Variants in EFHC1 observed in about 807,000 individuals in gnomAD.
EFHC1 encodes EF-hand domain containing 1.
In EFHC1, 53 loss-of-function variants were observed where a neutral mutation model predicts 69.9. The ratio of observed to expected loss-of-function variants is 0.76; its 90% CI spans 0.61 to 0.95. EFHC1 has a LOEUF of 0.95. EFHC1 is among the 40% of genes least tolerant of loss of function. The pLI is 0.00. For synonymous variants in EFHC1, 256 were observed against 278.4 expected, an observed-to-expected ratio of 0.92 and a Z score of 0.80; for missense variants, 739 against 798.7, an observed-to-expected ratio of 0.93 and a Z score of 0.90.
chr6:52,444,272 C>T (rs1764731463), intron 3 of EFHC1, among the ~76,000 whole-genome samples: 2 of 152,146 alleles, frequency 1.3e-5, no homozygotes, highest in South Asian at 4.1e-4. Context: ...TAATTGAATA[C>T]CCTTTATTTC....
chr6:52,429,224 T>C (rs9357734), intron 2 of EFHC1, among the ~76,000 whole-genome samples: 2,301 of 152,348 alleles, frequency 0.015, 44 homozygotes, highest in South Asian at 0.096. Flanking sequence ...ATCTTTGTTT[T>C]TATTGCATTT....
At position 52,420,437 on chromosome 6, in the gene EFHC1, GC is replaced by G. The variant is rs1764162576; in HGVS notation, c.30del (p.Leu12PhefsTer20). The G allele has an allele frequency of 1.2e-6, 2 of 1,614,234 alleles. No individual in the cohort carries two copies. The highest frequency in any genetic ancestry group is 8.5e-7 in the Non-Finnish European group (1 of 1,180,042). MVSNPVHGL[P>X]FLPGTSFKDS... ...TGGTGTCCAATCCCGTGCATGGCTT[GC>G]CCTTTCTTCCGGGCACGTCCTTTAA... is the stretch of plus-strand genomic sequence containing the variant. On this transcript the variant is annotated frameshift_variant, in exon 1 of 11. Coordinates refer to ENST00000371068, the MANE Select transcript of EFHC1 (RefSeq NM_018100.4). LOFTEE classifies it high-confidence loss of function.
At chr6:52,483,527 G>GCACTCATATTAT (rs1765723686) in intron 9 of EFHC1, 1 of 152,254 alleles carries the variant, frequency 6.6e-6, no homozygotes, top group Non-Finnish European at 1.5e-5. Context: ...GTAGCTCAAA[G>GCACTCATATTAT]GCAGTTCTGC....
Position 52,469,321 on chromosome 6 carries a change from A to AT in EFHC1, c.1138-11dup. The stretch of plus-strand genomic sequence containing the variant: ...GTATCTGCCTTACTTCTTGCTTCCT[A>AT]TGTATCTCCAGGAGTTGCCTCCTTA... On this transcript the variant is annotated splice_polypyrimidine_tract_variant and intron_variant, in intron 6 of 10. Coordinates refer to ENST00000371068, the MANE Select transcript of EFHC1 (RefSeq NM_018100.4). The AT allele has an allele frequency of 3.7e-6, 6 of 1,613,826 alleles. No individual in the cohort carries two copies. The highest frequency in any genetic ancestry group is 5.1e-6 in the Non-Finnish European group (6 of 1,179,872).
intron 2 of EFHC1, among the ~76,000 whole-genome samples, chr6:52,426,645 C>T (rs931662364): frequency 2.6e-5 from 4 of 152,166 alleles, no homozygotes; most frequent in Non-Finnish European, 4.4e-5. Context: ...ACCTCAAGTT[C>T]TGTATGTCTC....
At chr6:52,423,737 C>T in intron 1 of EFHC1, 3 of 1,068,172 alleles carry the variant, frequency 2.8e-6, no homozygotes, top group Non-Finnish European at 4.0e-6. Context: ...AACTCTGGGG[C>T]TGAAGTGATT....
At chr6:52,474,741 A>G (rs1347288451) in intron 7 of EFHC1, among the ~76,000 whole-genome samples, 1 of 152,238 alleles carries the variant, frequency 6.6e-6, no homozygotes, top group African/African-American at 2.4e-5. Context: ...GAATCCAGAC[A>G]CAAAAGAATG....
chr6:52,465,122 A>G lies in EFHC1; in HGVS notation c.1137+7A>G. On this transcript the variant is annotated splice_region_variant and intron_variant, in intron 6 of 10. Transcript: ENST00000371068. ...ACCACCTCCAGTAAAACAGGTAATCAGATAGTACTTCTTAGTGTGGTGAGA... is the reference window on the plus strand; with the variant it reads ...ACCACCTCCAGTAAAACAGGTAATCGGATAGTACTTCTTAGTGTGGTGAGA... The G allele has an allele frequency of 6.2e-7, 1 of 1,612,254 alleles. No individual in the cohort carries two copies.
intron 7 of EFHC1, among the ~76,000 whole-genome samples, chr6:52,471,502 T>G (rs1445074868): frequency 1.3e-5 from 2 of 152,046 alleles, no homozygotes; most frequent in Admixed American, 6.5e-5. Context: ...CAAGATAACA[T>G]AAAGAAAAGT....
chr6:52,469,499 G>T (rs1160490028), intron 7 of EFHC1, 26 bp downstream of exon 7: 4 of 1,612,366 alleles, frequency 2.5e-6, no homozygotes, highest in Non-Finnish European at 3.4e-6. Flanking sequence ...ATATACTAAA[G>T]ATTCTCTTCT....
intron 1 of EFHC1, among the ~76,000 whole-genome samples, chr6:52,421,811 A>G (rs1390624721): frequency 1.3e-5 from 2 of 152,212 alleles, no homozygotes; most frequent in African/African-American, 4.8e-5. Flanking sequence ...TGTTGTAGGC[A>G]CTTGCCTGCC....
Position 52,465,035 on chromosome 6 carries a change from C to T in EFHC1, c.1057C>T (p.Arg353Trp), listed in dbSNP as rs527295360. 2.1e-4 allele frequency: 345 copies of T among 1,613,996 alleles called. No homozygotes were observed. The highest frequency in any genetic ancestry group is 7.0e-4 in the South Asian group (64 of 91,074). ...FIYDCDPFTR[R>W]YYKEKFGITD... ...TTATGATTGTGATCCATTTACTCGA[C>T]GGTATTACAAAGAGAAGTTTGGAAT... Residue 353 changes from arginine (R) to tryptophan (W), a missense_variant, in exon 6 of 11, where the codon CGG (arginine) becomes TGG (tryptophan). Physicochemically the swap from Arg to Trp is moderately radical, Grantham distance 101. Coordinates refer to ENST00000371068, the MANE Select transcript of EFHC1 (RefSeq NM_018100.4).
At chr6:52,434,462 G>C (rs1339675244) in intron 2 of EFHC1, among the ~76,000 whole-genome samples, 1 of 152,150 alleles carries the variant, frequency 6.6e-6, no homozygotes, top group African/African-American at 2.4e-5. Flanking sequence ...GTTCCTCAGT[G>C]GGGGTGTGTG....
rs141606743 is a variant in EFHC1 at position 52,477,754 on chromosome 6, G to A, written c.1279-1283G>A. On this transcript the variant is annotated intron_variant, in intron 7 of 10. Coordinates refer to ENST00000371068, the MANE Select transcript of EFHC1 (RefSeq NM_018100.4). Reference sequence around the variant, plus strand: ...CCATCTCACACCAGTTAGAATGGCAGTCATTAAAAGGTCAGGAAACAACAG... The same window carrying A: ...CCATCTCACACCAGTTAGAATGGCAATCATTAAAAGGTCAGGAAACAACAG... Among the ~76,000 whole-genome samples, 850 of 152,308 alleles carry A rather than the reference G, an allele frequency of 5.6e-3. 8 individuals are homozygous for A. Among genetic ancestry groups the A allele is most frequent in the African/African-American group, 0.019 (798 of 41,558 alleles).
At chr6:52,455,776 CA>C (rs1206433484) in intron 5 of EFHC1, among the ~76,000 whole-genome samples, 6 of 152,144 alleles carry the variant, frequency 3.9e-5, no homozygotes, top group Non-Finnish European at 5.9e-5. Context: ...TTCACTTGCA[CA>C]GTGCTTTTTT....
chr6:52,450,699 T>C (rs1422327227), intron 3 of EFHC1, among the ~76,000 whole-genome samples: 2 of 152,180 alleles, frequency 1.3e-5, no homozygotes, highest in African/African-American at 4.8e-5. Flanking sequence ...TTGGGTGTCA[T>C]TGCGTGTGAG....
intron 7 of EFHC1, among the ~76,000 whole-genome samples, chr6:52,470,961 C>A (rs977427489): frequency 2.0e-5 from 3 of 152,074 alleles, no homozygotes; most frequent in Non-Finnish European, 4.4e-5. Context: ...AATGATAGAC[C>A]AAATAATTTG....
chr6:52,424,020 G>T lies in EFHC1; in HGVS notation c.138G>T (p.Gly46=). The T allele has an allele frequency of 6.2e-7, 1 of 1,614,146 alleles. No homozygotes were observed. Among genetic ancestry groups the T allele is most frequent in the South Asian group, 1.1e-5 (1 of 91,084 alleles). The change falls in exon 2 of 11, where the codon GGG becomes GGT. Residue 46 remains glycine (G), a synonymous_variant. Transcript: ENST00000371068. ...CAATTGTTCGACGTCCAACAGTTGG[G>T]ATAGGCGGAGACCGGCTCCAGTTCA... ...GYAIVRRPTV[G]IGGDRLQFNQ...
chr6:52,495,243 G>A lies in EFHC1; in HGVS notation c.*2902G>A. Reference sequence around the variant, plus strand: ...ATCCCTTTCCTTTAGACTGTTTCAGGGGAGAACCAGGTACCCCAAATCTTA... The same window carrying A: ...ATCCCTTTCCTTTAGACTGTTTCAGAGGAGAACCAGGTACCCCAAATCTTA... On this transcript the variant is annotated 3_prime_UTR_variant, in exon 11 of 11. Coordinates refer to ENST00000371068, the MANE Select transcript of EFHC1 (RefSeq NM_018100.4). 2.2e-6 allele frequency: 1 copy of A among 454,058 alleles called. No homozygotes were observed. Among genetic ancestry groups the A allele is most frequent in the Non-Finnish European group, 4.4e-6 (1 of 226,772 alleles). 28.1% of individuals were successfully genotyped at this position (454,058 alleles called of 1,614,324 possible). A position where few individuals can be genotyped will look rare whatever the true frequency, so the allele number is the denominator to read the frequency against.
Sources: allele counts gnomAD v4.1 joint callset (sites outside exome capture counted in the v4.1 genomes callset), GRCh38; gene constraint gnomAD v4.1.1; transcripts MANE v1.5; gene names NCBI Gene and HGNC (gene_info 2026-07-23, HGNC 2026-07-21).